Variants in DLC1 observed in about 807,000 individuals in gnomAD.
DLC1 encodes DLC1 Rho GTPase activating protein, also known as rho GTPase-activating protein 7.
DLC1 carries 54 observed loss-of-function variants against 140.3 expected under a neutral mutation model. The ratio of observed to expected loss-of-function variants is 0.38; its 90% CI spans 0.31 to 0.48. The LOEUF is 0.48. Ranked by LOEUF, DLC1 falls within the 20% of genes least tolerant of loss-of-function variation. The probability of loss-of-function intolerance (pLI) is 0.96; values close to 1 mark genes in which losing one functional copy is unlikely to be tolerated. For synonymous variants in DLC1, 986 were observed against 728.1 expected, an observed-to-expected ratio of 1.35 and a Z score of -5.70; for missense variants, 2,536 against 1,907.0, an observed-to-expected ratio of 1.33 and a Z score of -6.14.
intron 5 of DLC1, among the ~76,000 whole-genome samples, chr8:13,157,133 G>T: frequency 6.6e-6 from 1 of 152,182 alleles, no homozygotes; most frequent in Admixed American, 6.5e-5. Flanking sequence ...TAAGAGGCAG[G>T]ATACCTACTT....
intron 5 of DLC1, among the ~76,000 whole-genome samples, chr8:13,242,693 T>G (rs570479789): frequency 8.7e-4 from 133 of 152,288 alleles, no homozygotes; most frequent in African/African-American, 3.1e-3. Context: ...GTGCCTGGTC[T>G]CCTCAATAGG....
chr8:13,271,401 G>A (rs972363379), intron 5 of DLC1, among the ~76,000 whole-genome samples: 2 of 152,200 alleles, frequency 1.3e-5, no homozygotes, highest in Non-Finnish European at 2.9e-5. Context: ...AATTCCCAAT[G>A]CCCCACTGAA....
intron 5 of DLC1, among the ~76,000 whole-genome samples, chr8:13,223,822 T>C (rs1449381658): frequency 6.6e-6 from 1 of 152,240 alleles, no homozygotes; most frequent in Non-Finnish European, 1.5e-5. Flanking sequence ...CCTACCTTCA[T>C]ACTGTTTTTA....
chr8:13,507,555 C>A lies in DLC1; in HGVS notation c.-126+7047G>T, dbSNP rs1312748348. On this transcript the variant is annotated intron_variant, in intron 1 of 17. Coordinates refer to ENST00000276297, the MANE Select transcript of DLC1 (RefSeq NM_182643.3). Reference sequence around the variant, plus strand: ...ACCTCCATATGATTTCATGCAGATTCCCTTTCTTTAGTAGCAATATGTGTC... The same window carrying A: ...ACCTCCATATGATTTCATGCAGATTACCTTTCTTTAGTAGCAATATGTGTC... Among the ~76,000 whole-genome samples the A allele has an allele frequency of 3.3e-5, 5 of 152,120 alleles. No individual in the cohort carries two copies. In the South Asian group the frequency reaches 1.0e-3, roughly 31 times the overall value.
upstream of DLC1, among the ~76,000 whole-genome samples, chr8:13,519,328 C>T (rs1222073395): frequency 1.3e-5 from 2 of 152,096 alleles, no homozygotes; most frequent in Admixed American, 6.5e-5. Context: ...CGGGGTTTCA[C>T]CGTGTTAGCC....
At chr8:13,323,939 G>A (rs577183645) in intron 4 of DLC1, among the ~76,000 whole-genome samples, 2 of 152,306 alleles carry the variant, frequency 1.3e-5, no homozygotes, top group South Asian at 4.1e-4. Flanking sequence ...ATTCAGCAAA[G>A]TGGTTTACGA....
At chr8:13,192,394 G>T (rs1292175045) in intron 5 of DLC1, among the ~76,000 whole-genome samples, 3 of 152,154 alleles carry the variant, frequency 2.0e-5, no homozygotes, top group Non-Finnish European at 2.9e-5. Flanking sequence ...GACTTAGAAC[G>T]AGAAAAGAAA....
At chr8:13,107,710 C>T (rs1009902493) in intron 7 of DLC1, among the ~76,000 whole-genome samples, 3 of 152,170 alleles carry the variant, frequency 2.0e-5, no homozygotes, top group Non-Finnish European at 4.4e-5. Flanking sequence ...CAACAACTAT[C>T]TCAACTACAC....
intron 2 of DLC1, among the ~76,000 whole-genome samples, chr8:13,497,318 G>T (rs1438025161): frequency 6.6e-6 from 1 of 152,072 alleles, no homozygotes; most frequent in Non-Finnish European, 1.5e-5. Flanking sequence ...AGTTCTAAGG[G>T]CTTCTCACAT....
At chr8:13,505,819 A>G (rs1802032374) in intron 1 of DLC1, among the ~76,000 whole-genome samples, 1 of 152,194 alleles carries the variant, frequency 6.6e-6, no homozygotes, top group South Asian at 2.1e-4. Flanking sequence ...ATTCTTAGGA[A>G]TTGTCTAAGC....
chr8:13,373,526 G>A (rs774537384), intron 4 of DLC1, among the ~76,000 whole-genome samples: 2 of 152,128 alleles, frequency 1.3e-5, no homozygotes, highest in African/African-American at 4.8e-5. Flanking sequence ...ATACACCCTA[G>A]TACAGAAAAT....
At chr8:13,088,738 A>G (rs776305144) in intron 15 of DLC1, 34 bp from the exon 16 acceptor site, 1 of 1,604,230 alleles carries the variant, frequency 6.2e-7, no homozygotes, top group Admixed American at 1.7e-5. Context: ...GTGCCAAGGC[A>G]ATCCATACAC....
In DLC1 at chr8:13,099,981, T is replaced by G. The variant is rs1818891779; in HGVS notation, c.2356A>C (p.Thr786Pro). ...LEGFDPFNQS[T>P]FNNVVEQNFK... ...TTCTGCTCCACCACGTTGTTAAATG[T>G]TGACTGATTGAAAGGATCGAAGCCC... Residue 786 changes from threonine (T) to proline (P), a missense_variant, in exon 9 of 18, where the codon ACA (threonine) becomes CCA (proline). Transcript: ENST00000276297. The G allele has an allele frequency of 6.2e-7, 1 of 1,612,614 alleles. No homozygotes were observed. Among genetic ancestry groups the G allele is most frequent in the Admixed American group, 1.7e-5 (1 of 60,036 alleles).
chr8:13,369,950 A>C (rs1038418156), intron 4 of DLC1, among the ~76,000 whole-genome samples: 1 of 151,496 alleles, frequency 6.6e-6, no homozygotes, highest in Non-Finnish European at 1.5e-5. Flanking sequence ...AAAAAAGTCA[A>C]AGTCCCTACA....
At chr8:13,422,007 T>C (rs1838341360) in intron 2 of DLC1, among the ~76,000 whole-genome samples, 1 of 152,168 alleles carries the variant, frequency 6.6e-6, no homozygotes, top group African/African-American at 2.4e-5. Context: ...TGGAGTTGAC[T>C]TGTACCTATT....
At chr8:13,508,554 A>G (rs939334378) in intron 1 of DLC1, among the ~76,000 whole-genome samples, 3 of 151,742 alleles carry the variant, frequency 2.0e-5, no homozygotes, top group African/African-American at 4.8e-5. Context: ...AGTAACTGGG[A>G]CTACAGGTGC....
intron 5 of DLC1, among the ~76,000 whole-genome samples, chr8:13,216,777 T>C (rs528281919): frequency 6.6e-6 from 1 of 152,262 alleles, no homozygotes; most frequent in East Asian, 1.9e-4. Context: ...TGGGCCTCTA[T>C]CTAGTAGACA....
intron 6 of DLC1, among the ~76,000 whole-genome samples, chr8:13,111,687 T>C (rs1820125639): frequency 6.6e-6 from 1 of 152,108 alleles, no homozygotes; most frequent in Non-Finnish European, 1.5e-5. Flanking sequence ...AGGCAAGTTA[T>C]CACCCTCTTG....
At chr8:13,569,037 T>G (rs2117405823) in intron 1 of DLC1, among the ~76,000 whole-genome samples, 1 of 152,376 alleles carries the variant, frequency 6.6e-6, no homozygotes, top group South Asian at 2.1e-4. Context: ...GTGAAGATTT[T>G]ATGAACCTTC....
Sources: gnomAD v4.1 joint callset for allele counts (sites outside exome capture counted in the v4.1 genomes callset) on GRCh38, gnomAD v4.1.1 for gene constraint, MANE v1.5 for transcripts, NCBI Gene and HGNC (gene_info 2026-07-23, HGNC 2026-07-21) for gene names.